The following OSBPL3 variants were observed in gnomAD, a reference collection of about 807,000 sequenced individuals.
OSBPL3 encodes oxysterol binding protein like 3, also known as oxysterol-binding protein-related protein 3.
OSBPL3 carries 65 observed loss-of-function variants against 120.1 expected under a neutral mutation model. The ratio of observed to expected loss-of-function variants is 0.54; its 90% CI spans 0.44 to 0.67. The LOEUF is 0.67. Among genes scored for constraint, OSBPL3 ranks in the 30% least tolerant of loss-of-function variants. The probability of loss-of-function intolerance (pLI) is 0.00; values close to 1 mark genes in which losing one functional copy is unlikely to be tolerated. For missense variants in OSBPL3, 1,004 were observed against 1,082.1 expected, an observed-to-expected ratio of 0.93 and a Z score of 1.01; for synonymous variants, 416 against 402.6, an observed-to-expected ratio of 1.03 and a Z score of -0.40.
chr7:24,956,370 G>A (rs1275843297), intron 1 of OSBPL3, among the ~76,000 whole-genome samples: 2 of 152,188 alleles, frequency 1.3e-5, no homozygotes, highest in African/African-American at 4.8e-5. Flanking sequence ...AGGGGATAAG[G>A]GTACTCAGAA....
Position 24,820,035 on chromosome 7 carries a change from A to C in OSBPL3, c.1948+140T>G, listed in dbSNP as rs770028926. On this transcript the variant is annotated intron_variant, in intron 17 of 22. Transcript: ENST00000313367. The surrounding 1 kb of genome is among the most constrained non-coding windows in gnomAD (Gnocchi z 4.6). ...TAAGTGAGAGATGAGAGGCAAGAAC[A>C]GGTGGCGCAGATCCTTCCAACCAGG... The C allele has an allele frequency of 3.6e-5, 20 of 553,354 alleles. No individual in the cohort carries two copies. Among genetic ancestry groups the C allele is most frequent in the Non-Finnish European group, 6.0e-5 (18 of 300,142 alleles). 34.3% of individuals were successfully genotyped at this position (553,354 alleles called of 1,614,324 possible). A position where few individuals can be genotyped will look rare whatever the true frequency, so the allele number is the denominator to read the frequency against.
chr7:24,889,780 T>C (rs184393711), intron 2 of OSBPL3, among the ~76,000 whole-genome samples: 122 of 152,266 alleles, frequency 8.0e-4, no homozygotes, highest in African/African-American at 2.9e-3. Flanking sequence ...ACTGGAAATC[T>C]GAAACTGTGG....
rs1022148563 is a variant in OSBPL3 at position 24,953,559 on chromosome 7, T to C, written c.-150+26327A>G. On this transcript the variant is annotated intron_variant, in intron 1 of 22. Coordinates refer to ENST00000313367, the MANE Select transcript of OSBPL3 (RefSeq NM_015550.4). The surrounding 1 kb of genome is among the most constrained non-coding windows in gnomAD (Gnocchi z 4.3). ...CTCAGTATGAAAACTAAATAGATCA[T>C]CAGAAAAAGAATTAGGCACATTAGG... Among the ~76,000 whole-genome samples, 1 of 152,132 alleles carries C rather than the reference T, an allele frequency of 6.6e-6. No homozygotes were observed. Among genetic ancestry groups the C allele is most frequent in the Admixed American group, 6.5e-5 (1 of 15,272 alleles).
chr7:24,979,290 A>AC (rs1817931778), intron 1 of OSBPL3, among the ~76,000 whole-genome samples: 1 of 17,766 alleles, frequency 5.6e-5, no homozygotes, highest in Non-Finnish European at 1.1e-4. Context: ...GGAAACTAAC[A>AC]AAAAAAAAAA....
At position 24,916,300 on chromosome 7, in the gene OSBPL3, A is replaced by G. The variant is rs1809542809; in HGVS notation, c.-149-23679T>C. On this transcript the variant is annotated intron_variant, in intron 1 of 22. Coordinates refer to ENST00000313367, the MANE Select transcript of OSBPL3 (RefSeq NM_015550.4). The surrounding 1 kb of genome is among the most constrained non-coding windows in gnomAD (Gnocchi z 4.9). Reference sequence around the variant, plus strand: ...CAGTCTTACACAATTATTTCTGCCCATCATTTATCTACCCATCCTTCTGTT... The same window carrying G: ...CAGTCTTACACAATTATTTCTGCCCGTCATTTATCTACCCATCCTTCTGTT... 6.6e-6 allele frequency among the ~76,000 whole-genome samples: 1 copy of G among 152,198 alleles called. No individual in the cohort carries two copies. The highest frequency in any genetic ancestry group is 6.5e-5 in the Admixed American group (1 of 15,282).
intron 1 of OSBPL3, among the ~76,000 whole-genome samples, chr7:24,928,194 G>GTT (rs58340103): frequency 0.13 from 17,817 of 135,492 alleles, 1,422 homozygotes; most frequent in South Asian, 0.18. Flanking sequence ...CTTCCTTTTT[G>GTT]TTTTTTTTTT....
rs1222069448 is a variant in OSBPL3 at position 24,932,330 on chromosome 7, C to CA, written c.-149-39710dup. On this transcript the variant is annotated intron_variant, in intron 1 of 22. Transcript: ENST00000313367. This position sits in a 1 kb window ranked among gnomAD's most constrained non-coding sequence, Gnocchi z 5.6. Reference sequence around the variant, plus strand: ...CCGGTCAAGTTTCAAGCTGTGCGCCCAGGGGTCTGAGATAGGTTAGAATGC... The same window carrying CA: ...CCGGTCAAGTTTCAAGCTGTGCGCCCAAGGGGTCTGAGATAGGTTAGAATGC... Among the ~76,000 whole-genome samples, 1 of 152,110 alleles carries CA rather than the reference C, an allele frequency of 6.6e-6. No homozygotes were observed. The highest frequency in any genetic ancestry group is 1.5e-5 in the Non-Finnish European group (1 of 68,020).
rs1812633035 is a variant in OSBPL3 at position 24,938,105 on chromosome 7, G to C, written c.-150+41781C>G. Among the ~76,000 whole-genome samples, 1 of 152,170 alleles carries C rather than the reference G, an allele frequency of 6.6e-6. No individual in the cohort carries two copies. Among genetic ancestry groups the C allele is most frequent in the Non-Finnish European group, 1.5e-5 (1 of 68,036 alleles). On this transcript the variant is annotated intron_variant, in intron 1 of 22. Transcript: ENST00000313367. The surrounding 1 kb of genome is among the most constrained non-coding windows in gnomAD (Gnocchi z 5.8). ...TATTTGCTATGGGCTGAAAGTTTCT[G>C]TCCCGCCAAAACTGGTATGTTGAAA...
upstream of OSBPL3, among the ~76,000 whole-genome samples, chr7:24,980,881 A>T (rs185210019): frequency 3.9e-4 from 60 of 152,140 alleles, no homozygotes; most frequent in Admixed American, 1.5e-3. Context: ...GAAAGACGGA[A>T]AAGTCCACCC....
chr7:24,949,444 C>T (rs1303563788), intron 1 of OSBPL3, among the ~76,000 whole-genome samples: 4 of 152,160 alleles, frequency 2.6e-5, no homozygotes, highest in Admixed American at 2.6e-4. Flanking sequence ...GGGGATCTTA[C>T]AATTGACAGT....
At chr7:24,842,103 A>T (rs1454230841) in intron 13 of OSBPL3, among the ~76,000 whole-genome samples, 176 bp downstream of exon 13, 3 of 152,178 alleles carry the variant, frequency 2.0e-5, no homozygotes, top group African/African-American at 7.2e-5. Flanking sequence ...TTCTTCTCAC[A>T]TATAGTATCA....
intron 1 of OSBPL3, among the ~76,000 whole-genome samples, chr7:24,934,299 C>G (rs764804038): frequency 1.3e-5 from 2 of 152,086 alleles, no homozygotes; most frequent in African/African-American, 2.4e-5. Flanking sequence ...TTTCTTGTGT[C>G]TGAGTTTTAA....
At position 24,892,447 on chromosome 7, in the gene OSBPL3, C is replaced by A; in HGVS notation, c.26G>T (p.Gly9Val). The change falls in exon 2 of 23, where the codon GGT becomes GTT. Residue 9 changes from glycine to valine, a missense_variant. By Grantham distance (109) the Gly-to-Val change is moderately radical. This residue lies in a region of OSBPL3 where 255 missense variants were observed against 248.7 expected (regional missense o/e 1.03). Transcript: ENST00000313367. ...AGGTGATACCAATTTTTGGGACACA[C>A]CAAGGTTCTTCTCATCACTCATCAT... MMSDEKNLGVSQKLVSPSR... is the reference protein window; with the variant it reads MMSDEKNLVVSQKLVSPSR... 6.2e-7 allele frequency: 1 copy of A among 1,613,634 alleles called. No individual in the cohort carries two copies. The highest frequency in any genetic ancestry group is 8.5e-7 in the Non-Finnish European group (1 of 1,179,666).
In OSBPL3 at chr7:24,955,569, T is replaced by C. The variant is rs1457437725; in HGVS notation, c.-150+24317A>G. On this transcript the variant is annotated intron_variant, in intron 1 of 22. Coordinates refer to ENST00000313367, the MANE Select transcript of OSBPL3 (RefSeq NM_015550.4). This position sits in a 1 kb window ranked among gnomAD's most constrained non-coding sequence, Gnocchi z 4.3. ...TGCAGTCTGTGCTTCCCCTCTTTTT[T>C]CAGGTTTCTGCTCAAATGTCACCTT... Among the ~76,000 whole-genome samples, 2 of 152,216 alleles carry C rather than the reference T, an allele frequency of 1.3e-5. No homozygotes were observed. Among genetic ancestry groups the C allele is most frequent in the East Asian group, 3.8e-4 (2 of 5,204 alleles).
Position 24,899,760 on chromosome 7 carries a change from C to G in OSBPL3, c.-149-7139G>C, listed in dbSNP as rs1282326769. Among the ~76,000 whole-genome samples the G allele has an allele frequency of 1.3e-5, 2 of 152,232 alleles. No individual in the cohort carries two copies. Among genetic ancestry groups the G allele is most frequent in the Admixed American group, 6.5e-5 (1 of 15,286 alleles). The stretch of plus-strand genomic sequence containing the variant: ...CTATAAATGCCCATAACTATACAAT[C>G]ACCTACAATTTCTCAAAGTGTCCAG... On this transcript the variant is annotated intron_variant, in intron 1 of 22. Coordinates refer to ENST00000313367, the MANE Select transcript of OSBPL3 (RefSeq NM_015550.4). The surrounding 1 kb of genome is among the most constrained non-coding windows in gnomAD (Gnocchi z 4.0).
chr7:24,968,879 G>C lies in OSBPL3; in HGVS notation c.-150+11007C>G, dbSNP rs770061404. ...AATGTAGAGCTGCCTCATTTTTAAC[G>C]GCTCTATTATTTTTAATTAGTACTT... On this transcript the variant is annotated intron_variant, in intron 1 of 22. Transcript: ENST00000313367. The surrounding 1 kb of genome is among the most constrained non-coding windows in gnomAD (Gnocchi z 4.6). Among the ~76,000 whole-genome samples, 1 of 151,748 alleles carries C rather than the reference G, an allele frequency of 6.6e-6. No homozygotes were observed. The highest frequency in any genetic ancestry group is 2.4e-5 in the African/African-American group (1 of 41,250).
At chr7:24,928,084 T>C (rs953988566) in intron 1 of OSBPL3, among the ~76,000 whole-genome samples, 11 of 152,230 alleles carry the variant, frequency 7.2e-5, no homozygotes, top group Non-Finnish European at 1.5e-4. Flanking sequence ...CCATGAAAGA[T>C]GTGTCTGCTC....
chr7:24,913,587 G>A lies in OSBPL3; in HGVS notation c.-149-20966C>T, dbSNP rs1472367325. ...GATAGTGACAGACACATCACAAAGT[G>A]ACACTGGGAATCTAGGACTGGGCAC... On this transcript the variant is annotated intron_variant, in intron 1 of 22. Coordinates refer to ENST00000313367, the MANE Select transcript of OSBPL3 (RefSeq NM_015550.4). This position sits in a 1 kb window ranked among gnomAD's most constrained non-coding sequence, Gnocchi z 5.3. Among the ~76,000 whole-genome samples the A allele has an allele frequency of 6.6e-6, 1 of 152,112 alleles. No homozygotes were observed. The highest frequency in any genetic ancestry group is 2.4e-5 in the African/African-American group (1 of 41,410).
chr7:24,865,765 T>C (rs1801223231), intron 6 of OSBPL3, among the ~76,000 whole-genome samples: 1 of 152,226 alleles, frequency 6.6e-6, no homozygotes, highest in African/African-American at 2.4e-5. Flanking sequence ...GCTATATGCA[T>C]ACCTACTGTA....
Sources: gnomAD v4.1 joint callset for allele counts (sites outside exome capture counted in the v4.1 genomes callset) on GRCh38, gnomAD v4.1.1 for gene constraint, gnomAD v4.1.1 regional missense constraint, Gnocchi (gnomAD v3.1) non-coding constraint, MANE v1.5 for transcripts, NCBI Gene and HGNC (gene_info 2026-07-23, HGNC 2026-07-21) for gene names.